Variants in EDDM3B observed in about 807,000 individuals in gnomAD.
The protein encoded by EDDM3B is epididymal secretory protein E3-beta.
For missense variants in EDDM3B, 189 were observed against 178.3 expected (o/e 1.06, Z -0.34); for synonymous variants, 71 against 59.1 (o/e 1.20, Z -0.92).
chr14:20,770,914 A>C lies in EDDM3B; in HGVS notation c.*320A>C. Reference sequence around the variant, plus strand: ...TCTTGATACATACCCAAGCTGAACAATCTTCCCTTCCCTAAATAAATTATA... The same window carrying C: ...TCTTGATACATACCCAAGCTGAACACTCTTCCCTTCCCTAAATAAATTATA... On this transcript the variant is annotated 3_prime_UTR_variant, in exon 2 of 2. Coordinates refer to ENST00000326783, the MANE Select transcript of EDDM3B (RefSeq NM_022360.5). 1.4e-5 allele frequency: 4 copies of C among 280,584 alleles called. No homozygotes were observed. Among genetic ancestry groups the C allele is most frequent in the Admixed American group, 5.0e-5 (1 of 20,166 alleles). The allele number at this position is 280,584 out of a possible 1,614,324, so 17.4% of individuals were successfully genotyped here. A position where few individuals can be genotyped will look rare whatever the true frequency, so the allele number is the denominator to read the frequency against.
At position 20,768,718 on chromosome 14, in the gene EDDM3B, G is replaced by A. The variant is rs147143145; in HGVS notation, c.-19+212G>A. Among the ~76,000 whole-genome samples the A allele has an allele frequency of 6.1e-3, 921 of 152,196 alleles. 5 individuals carry two copies. The highest frequency in any genetic ancestry group is 0.021 in the African/African-American group (880 of 41,512). On this transcript the variant is annotated intron_variant, in intron 1 of 1. Coordinates refer to ENST00000326783, the MANE Select transcript of EDDM3B (RefSeq NM_022360.5). ...TTCTCAAACACAATGCATTAAAACC[G>A]CTTACATCCTGCTCTTCTATCCTCT...
chr14:20,769,810 G>A (rs1878281375), intron 1 of EDDM3B, among the ~76,000 whole-genome samples: 1 of 152,174 alleles, frequency 6.6e-6, no homozygotes, highest in African/African-American at 2.4e-5. Flanking sequence ...CCTGAGAGTT[G>A]GTCTGGTAAA....
Position 20,770,478 on chromosome 14 carries a change from T to C in EDDM3B, c.328T>C (p.Ser110Pro), listed in dbSNP as rs1471687633. The C allele has an allele frequency of 6.2e-7, 1 of 1,614,006 alleles. No homozygotes were observed. The highest frequency in any genetic ancestry group is 1.3e-5 in the African/African-American group (1 of 74,916). The change falls in exon 2 of 2, where the codon TCC (serine) becomes CCC (proline). Residue 110 changes from serine to proline, a missense_variant. Coordinates refer to ENST00000326783, the MANE Select transcript of EDDM3B (RefSeq NM_022360.5). ...AGTACTCAAGTGTCACCAGGAGAATTCCAAAAATAGCTACACAGAGAGCAG... is the reference window on the plus strand; with the variant it reads ...AGTACTCAAGTGTCACCAGGAGAATCCCAAAAATAGCTACACAGAGAGCAG... ...LKVLKCHQEN[S>P]KNSYTESRSF...
rs537363080 is a variant in EDDM3B, at chr14:20,769,869, G to C, written c.-18-264G>C. On this transcript the variant is annotated intron_variant, in intron 1 of 1. Transcript: ENST00000326783. ...GGCTCCTCAGGTTGGGTGTAAGAGA[G>C]GGATGAGAGGAGATGGTTGGAATTC... Among the ~76,000 whole-genome samples the C allele has an allele frequency of 3.9e-5, 6 of 152,286 alleles. No individual in the cohort carries two copies. The East Asian group carries it at 7.7e-4, about 20-fold the overall frequency.
chr14:20,769,594 G>C (rs921741012), intron 1 of EDDM3B, among the ~76,000 whole-genome samples: 2 of 152,186 alleles, frequency 1.3e-5, no homozygotes, highest in African/African-American at 4.8e-5. Flanking sequence ...AGGAAGTCAA[G>C]ATTGGAGAAG....
At position 20,770,298 on chromosome 14, in the gene EDDM3B, T is replaced by C. The variant is rs532726354; in HGVS notation, c.148T>C (p.Cys50Arg). Reference sequence around the variant, plus strand: ...AAGTCGAGAATTCAGAGAGTACAAATGTGATGTCCTCATGAGAGAAAATGA... The same window carrying C: ...AAGTCGAGAATTCAGAGAGTACAAACGTGATGTCCTCATGAGAGAAAATGA... ...SPSREFREYKCDVLMRENEAL... is the reference protein window; with the variant it reads ...SPSREFREYKRDVLMRENEAL... The change falls in exon 2 of 2, where the codon TGT (cysteine) becomes CGT (arginine). Residue 50 changes from cysteine to arginine, a missense_variant. By Grantham distance (180) the Cys-to-Arg change is radical (BLOSUM62 -3). Transcript: ENST00000326783. 6.2e-7 allele frequency: 1 copy of C among 1,614,148 alleles called. No individual in the cohort carries two copies. The highest frequency in any genetic ancestry group is 8.5e-7 in the Non-Finnish European group (1 of 1,180,020).
At position 20,770,297 on chromosome 14, in the gene EDDM3B, A is replaced by T; in HGVS notation, c.147A>T (p.Lys49Asn). Residue 49 changes from lysine to asparagine, a missense_variant, in exon 2 of 2, where the codon AAA becomes AAT. Physicochemically the swap from Lys to Asn is moderately conservative, Grantham distance 94. Coordinates refer to ENST00000326783, the MANE Select transcript of EDDM3B (RefSeq NM_022360.5). Reference sequence around the variant, plus strand: ...CAAGTCGAGAATTCAGAGAGTACAAATGTGATGTCCTCATGAGAGAAAATG... The same window carrying T: ...CAAGTCGAGAATTCAGAGAGTACAATTGTGATGTCCTCATGAGAGAAAATG... ...LSPSREFREY[K>N]CDVLMRENEA... 6.2e-7 allele frequency: 1 copy of T among 1,614,166 alleles called. No individual in the cohort carries two copies. The highest frequency in any genetic ancestry group is 8.5e-7 in the Non-Finnish European group (1 of 1,180,020).
chr14:20,770,517 A>G lies in EDDM3B; in HGVS notation c.367A>G (p.Ile123Val), dbSNP rs1342299139. 1.2e-6 allele frequency: 2 copies of G among 1,614,178 alleles called. No homozygotes were observed. Among genetic ancestry groups the G allele is most frequent in the Non-Finnish European group, 1.7e-6 (2 of 1,180,024 alleles). ...SYTESRSFNY[I>V]EFHCSMDGYV... ...CACAGAGAGCAGGAGCTTCAACTAC[A>G]TTGAATTCCATTGTAGCATGGACGG... The change falls in exon 2 of 2, where the codon ATT (isoleucine) becomes GTT (valine). Residue 123 changes from isoleucine to valine, a missense_variant. Ile to Val is a conservative substitution (Grantham distance 29). Coordinates refer to ENST00000326783, the MANE Select transcript of EDDM3B (RefSeq NM_022360.5).
In EDDM3B at chr14:20,770,316, GAA is replaced by G. The variant is rs760295918; in HGVS notation, c.169_170del (p.Asn57Ter). The G allele has an allele frequency of 5.6e-6, 9 of 1,614,062 alleles. No homozygotes were observed. The South Asian group carries it at 8.8e-5, about 16-fold the overall frequency. Reference sequence around the variant, plus strand: ...GTACAAATGTGATGTCCTCATGAGAGAAAATGAAGCTCTGAAAGACAAGAGCT... The same window carrying G: ...GTACAAATGTGATGTCCTCATGAGAGAATGAAGCTCTGAAAGACAAGAGCT... ...REYKCDVLMR[E>X]NEALKDKSSH... On this transcript the variant is annotated frameshift_variant, in exon 2 of 2. Transcript: ENST00000326783. LOFTEE classifies it low-confidence loss of function (END_TRUNC).
Position 20,770,256 on chromosome 14 carries a change from C to T in EDDM3B, c.106C>T (p.Gln36Ter), listed in dbSNP as rs373583200. 4.2e-5 allele frequency: 68 copies of T among 1,614,024 alleles called. No individual in the cohort carries two copies. The highest frequency in any genetic ancestry group is 5.4e-5 in the Non-Finnish European group (64 of 1,180,024). ...AGTTTCTTGGAGAGAATTCATGAAACAGCACTACTTAAGTCCAAGTCGAGA... is the reference window on the plus strand; with the variant it reads ...AGTTTCTTGGAGAGAATTCATGAAATAGCACTACTTAAGTCCAAGTCGAGA... ...KEVSWREFMKQHYLSPSREFR... is the reference protein window; with the variant it reads ...KEVSWREFMK The change falls in exon 2 of 2, where the codon CAG (glutamine) becomes TAG (stop). Residue 36 changes from glutamine to a stop codon, truncating the protein, a stop_gained. Transcript: ENST00000326783. LOFTEE classifies it low-confidence loss of function (END_TRUNC).
chr14:20,769,723 T>G (rs888516225), intron 1 of EDDM3B, among the ~76,000 whole-genome samples: 3 of 152,200 alleles, frequency 2.0e-5, no homozygotes, highest in Admixed American at 6.5e-5. Flanking sequence ...TTTTCTACAT[T>G]TCCCTAAAAT....
Position 20,770,685 on chromosome 14 carries a change from T to A in EDDM3B, c.*91T>A, listed in dbSNP as rs1432002190. On this transcript the variant is annotated 3_prime_UTR_variant, in exon 2 of 2. Transcript: ENST00000326783. ...TCCATCAATAGTCCTACCACTCCCC[T>A]CTTGCATTTATTTGTCAATGTTTTC... 1.0e-6 allele frequency: 1 copy of A among 987,080 alleles called. No homozygotes were observed. The highest frequency in any genetic ancestry group is 1.7e-5 in the African/African-American group (1 of 60,450). 61.1% of individuals were successfully genotyped at this position (987,080 alleles called of 1,614,324 possible). A position where few individuals can be genotyped will look rare whatever the true frequency, so the allele number is the denominator to read the frequency against.
In EDDM3B at chr14:20,770,622, G is replaced by A. The variant is rs1878317250; in HGVS notation, c.*28G>A. On this transcript the variant is annotated 3_prime_UTR_variant, in exon 2 of 2. Coordinates refer to ENST00000326783, the MANE Select transcript of EDDM3B (RefSeq NM_022360.5). ...AGTCTATGCACATCCTCAGGTATTG[G>A]TAGAGTATTCAGTGCTTTCTAAGTA... 6.3e-7 allele frequency: 1 copy of A among 1,575,614 alleles called. No individual in the cohort carries two copies. The highest frequency in any genetic ancestry group is 8.6e-7 in the Non-Finnish European group (1 of 1,158,140).
At chr14:20,769,108 G>A (rs949241671) in intron 1 of EDDM3B, among the ~76,000 whole-genome samples, 1 of 152,106 alleles carries the variant, frequency 6.6e-6, no homozygotes, top group Non-Finnish European at 1.5e-5. Flanking sequence ...TTCAAATCTG[G>A]AATTCTGGTT....
In EDDM3B at chr14:20,770,688, T is replaced by C; in HGVS notation, c.*94T>C. ...ATCAATAGTCCTACCACTCCCCTCT[T>C]GCATTTATTTGTCAATGTTTTCCAA... On this transcript the variant is annotated 3_prime_UTR_variant, in exon 2 of 2. Coordinates refer to ENST00000326783, the MANE Select transcript of EDDM3B (RefSeq NM_022360.5). 1.1e-6 allele frequency: 1 copy of C among 949,688 alleles called. No individual in the cohort carries two copies. The allele number at this position is 949,688 out of a possible 1,614,324, so 58.8% of individuals were successfully genotyped here.
At chr14:20,769,048 C>G (rs576516176) in intron 1 of EDDM3B, among the ~76,000 whole-genome samples, 1 of 152,140 alleles carries the variant, frequency 6.6e-6, no homozygotes, top group African/African-American at 2.4e-5. Context: ...ACCACAGAAG[C>G]CACTGTGGGG....
At chr14:20,769,033 C>T (rs1485193255) in intron 1 of EDDM3B, among the ~76,000 whole-genome samples, 2 of 152,194 alleles carry the variant, frequency 1.3e-5, no homozygotes, top group South Asian at 2.1e-4. Context: ...ACACTCCATG[C>T]TATCACCACA....
intron 1 of EDDM3B, among the ~76,000 whole-genome samples, chr14:20,769,449 G>T (rs1298187730): frequency 6.6e-6 from 1 of 152,106 alleles, no homozygotes; most frequent in East Asian, 1.9e-4. Context: ...ATTTTATGAT[G>T]ACATTTTCAA....
chr14:20,770,107 TC>T, intron 1 of EDDM3B, 25 bp from the exon 2 acceptor site: 1 of 1,534,268 alleles, frequency 6.5e-7, no homozygotes, highest in Non-Finnish European at 8.8e-7. Flanking sequence ...ATAATGCTTT[TC>T]TTTCTCTTCT....
Sources: gnomAD v4.1 joint callset for allele counts (sites outside exome capture counted in the v4.1 genomes callset) on GRCh38, gnomAD v4.1.1 for gene constraint, MANE v1.5 for transcripts, NCBI Gene and HGNC (gene_info 2026-07-23, HGNC 2026-07-21) for gene names.